Variants in FYB2 observed in about 807,000 individuals in gnomAD.
FYB2 encodes FYN binding protein 2.
A neutral mutation model predicts 94.1 loss-of-function variants in FYB2; 103 were observed. The ratio of observed to expected loss-of-function variants is 1.09; its 90% CI spans 0.93 to 1.29. The LOEUF (loss-of-function observed/expected upper bound fraction) is 1.29, where lower values mean the gene tolerates loss of function less well. Among genes scored for constraint, FYB2 ranks in the 50% most tolerant of loss-of-function variants. The pLI is 0.00. For missense variants in FYB2, 896 were observed against 841.5 expected (o/e 1.06, Z -0.80); for synonymous variants, 293 against 287.9 (o/e 1.02, Z -0.18).
In FYB2 at chr1:56,719,988, C is replaced by T. The variant is rs769071318; in HGVS notation, c.2165+34G>A. 3.9e-6 allele frequency: 6 copies of T among 1,550,338 alleles called. No individual in the cohort carries two copies. In the East Asian group the frequency reaches 9.0e-5, roughly 23 times the overall value. On this transcript the variant is annotated intron_variant, in intron 19 of 19. Transcript: ENST00000343433. ...AATGTATACAACAATGTATTAGGAACTCATGATTTAAAGTATAAAATCAAA... is the reference window on the plus strand; with the variant it reads ...AATGTATACAACAATGTATTAGGAATTCATGATTTAAAGTATAAAATCAAA...
chr1:56,751,307 T>C (rs754769945), intron 8 of FYB2, 104 bp from the exon 9 acceptor site: 44 of 1,179,494 alleles, frequency 3.7e-5, no homozygotes, highest in Non-Finnish European at 5.1e-5. Context: ...ATAACAATTA[T>C]TTATCATTTA....
upstream of FYB2, among the ~76,000 whole-genome samples, chr1:56,823,402 A>G (rs1647003596): frequency 6.6e-6 from 1 of 152,226 alleles, no homozygotes; most frequent in Non-Finnish European, 1.5e-5. Flanking sequence ...GGACAGAAAC[A>G]TGGGACAATT....
intron 4 of FYB2, among the ~76,000 whole-genome samples, chr1:56,784,582 T>G (rs1646088490): frequency 6.6e-6 from 1 of 152,212 alleles, no homozygotes; most frequent in Admixed American, 6.6e-5. Flanking sequence ...CCATGGCACT[T>G]AATGCATTTT....
chr1:56,790,542 T>C (rs1351042500), intron 2 of FYB2, among the ~76,000 whole-genome samples: 13 of 152,214 alleles, frequency 8.5e-5, no homozygotes, highest in Non-Finnish European at 1.6e-4. Flanking sequence ...TTTCTTCCCA[T>C]ACATCTTTCT....
intron 1 of FYB2, among the ~76,000 whole-genome samples, chr1:56,810,439 C>A (rs939092615): frequency 6.6e-6 from 1 of 152,112 alleles, no homozygotes. Context: ...TAGTACAGAA[C>A]AAGGGGCATG....
chr1:56,812,032 G>A (rs534325682), intron 1 of FYB2, among the ~76,000 whole-genome samples: 2 of 152,188 alleles, frequency 1.3e-5, no homozygotes, highest in South Asian at 4.2e-4. Flanking sequence ...TCAGAAAGTG[G>A]TTTGAATTCT....
chr1:56,749,373 C>A (rs553482743), intron 9 of FYB2, among the ~76,000 whole-genome samples: 1 of 151,942 alleles, frequency 6.6e-6, no homozygotes, highest in East Asian at 1.9e-4. Flanking sequence ...CTTTTATCCT[C>A]TCTTTTACTC....
At chr1:56,759,645 T>G (rs1227234066) in intron 5 of FYB2, among the ~76,000 whole-genome samples, 1 of 152,202 alleles carries the variant, frequency 6.6e-6, no homozygotes, top group Admixed American at 6.5e-5. Context: ...GACAAGAATT[T>G]GAGTTCAAAC....
chr1:56,823,553 C>G (rs903772114), upstream of FYB2: 4 of 152,190 alleles, frequency 2.6e-5, no homozygotes, highest in African/African-American at 9.7e-5. Context: ...CTGATCTCTC[C>G]TTTGCCTTGA....
At chr1:56,737,668 G>A (rs1644859687) in intron 14 of FYB2, 1 of 152,006 alleles carries the variant, frequency 6.6e-6, no homozygotes, top group African/African-American at 2.4e-5. Flanking sequence ...ATAATAATTA[G>A]GCATTTTCAT....
intron 1 of FYB2, among the ~76,000 whole-genome samples, chr1:56,796,135 C>T (rs1646391693): frequency 6.6e-6 from 1 of 152,222 alleles, no homozygotes; most frequent in African/African-American, 2.4e-5. Flanking sequence ...TTTCTTCTCT[C>T]TAGCTCAGCC....
Position 56,719,661 on chromosome 1 carries a change from C to A in FYB2, c.*10G>T. The A allele has an allele frequency of 4.4e-6, 7 of 1,597,606 alleles. No individual in the cohort carries two copies. The highest frequency in any genetic ancestry group is 6.0e-6 in the Non-Finnish European group (7 of 1,167,716). Reference sequence around the variant, plus strand: ...CTTTGTGCAGTCCATAGCATTTGATCTTGATTTTTCTAAGGTGACCAACTT... The same window carrying A: ...CTTTGTGCAGTCCATAGCATTTGATATTGATTTTTCTAAGGTGACCAACTT... On this transcript the variant is annotated 3_prime_UTR_variant, in exon 20 of 20. Transcript: ENST00000343433.
At chr1:56,743,681 T>C (rs1557600089) in intron 11 of FYB2, among the ~76,000 whole-genome samples, 1 of 151,988 alleles carries the variant, frequency 6.6e-6, no homozygotes, top group Non-Finnish European at 1.5e-5. Context: ...GGACTCTAGA[T>C]CATGTCAGAA....
In FYB2 at chr1:56,720,213, G is replaced by A. The variant is rs769530795; in HGVS notation, c.2091C>T (p.Thr697=). 1.9e-5 allele frequency: 31 copies of A among 1,611,370 alleles called. No homozygotes were observed. Among genetic ancestry groups the A allele is most frequent in the Non-Finnish European group, 2.5e-5 (30 of 1,178,768 alleles). Residue 697 remains threonine (T), a synonymous_variant, in exon 18 of 20, where the codon ACC becomes ACT. Coordinates refer to ENST00000343433, the MANE Select transcript of FYB2 (RefSeq NM_001004303.5). ...TACGACATATCACTAGATTTTGTTC[G>A]GTGGTATCAATGACTTCCAATTCTT... is the stretch of plus-strand genomic sequence containing the variant. ...PGEELEVIDT[T]EQNLVICRNS...
chr1:56,728,507 G>A (rs1644632622), intron 15 of FYB2, among the ~76,000 whole-genome samples: 1 of 152,010 alleles, frequency 6.6e-6, no homozygotes, highest in Non-Finnish European at 1.5e-5. Flanking sequence ...ACAATTCTGA[G>A]AAAAATATCT....
chr1:56,787,329 T>C, intron 3 of FYB2, 121 bp from the exon 4 acceptor site: 3 of 1,224,950 alleles, frequency 2.4e-6, no homozygotes, highest in Non-Finnish European at 3.6e-6. Flanking sequence ...TGCCTGTGCC[T>C]GAAACATCCC....
intron 4 of FYB2, among the ~76,000 whole-genome samples, chr1:56,774,677 C>T (rs1261453345): frequency 6.6e-6 from 1 of 151,990 alleles, no homozygotes; most frequent in Non-Finnish European, 1.5e-5. Context: ...TATTGAGTGT[C>T]GACTTGATTG....
chr1:56,746,690 T>A (rs1229099130), intron 9 of FYB2, among the ~76,000 whole-genome samples: 2 of 152,040 alleles, frequency 1.3e-5, no homozygotes, highest in Admixed American at 1.3e-4. Context: ...TATTTATCCA[T>A]TCTACTTTTT....
chr1:56,806,675 G>A (rs1185786970), intron 1 of FYB2, among the ~76,000 whole-genome samples: 2 of 152,144 alleles, frequency 1.3e-5, no homozygotes, highest in African/African-American at 4.8e-5. Context: ...CCAAAGCAAA[G>A]TGAAAAACAA....
Sources: gnomAD v4.1 joint callset for allele counts (sites outside exome capture counted in the v4.1 genomes callset) on GRCh38, gnomAD v4.1.1 for gene constraint, MANE v1.5 for transcripts, NCBI Gene and HGNC (gene_info 2026-07-23, HGNC 2026-07-21) for gene names.